CALN1: variants seen among roughly 807,000 people sequenced by gnomAD.
CALN1 encodes the protein calcium-binding protein 8.
Under a neutral mutation model 30.6 loss-of-function variants are expected in CALN1, and 17 were observed. The observed-to-expected ratio is 0.56, with a 90% CI of 0.38 to 0.83. The LOEUF is 0.83. Among genes scored for constraint, CALN1 ranks in the 40% least tolerant of loss-of-function variants. The probability of loss-of-function intolerance (pLI) is 0.00; values close to 1 mark genes in which losing one functional copy is unlikely to be tolerated. For missense variants in CALN1, 291 were observed against 354.9 expected (o/e 0.82, Z 1.45); for synonymous variants, 156 against 131.4 (o/e 1.19, Z -1.28).
At chr7:71,999,387 C>G (rs1457891101) in intron 5 of CALN1, among the ~76,000 whole-genome samples, 1 of 152,174 alleles carries the variant, frequency 6.6e-6, no homozygotes, top group Non-Finnish European at 1.5e-5. Flanking sequence ...GAAACCTGAA[C>G]AGCCACCTCT....
At chr7:71,799,461 A>C in intron 6 of CALN1, among the ~76,000 whole-genome samples, 1 of 149,384 alleles carries the variant, frequency 6.7e-6, no homozygotes, top group East Asian at 1.9e-4. Context: ...TTAGTTAGTT[A>C]GTTAGTTAGT....
intron 3 of CALN1, among the ~76,000 whole-genome samples, chr7:72,256,602 T>TGA (rs1468981490): frequency 2.9e-5 from 2 of 68,080 alleles, no homozygotes; most frequent in African/African-American, 1.9e-4. Context: ...GTTCAATCAA[T>TGA]TATTTTTTTT....
At chr7:71,942,691 G>T (rs1375466369) in intron 5 of CALN1, among the ~76,000 whole-genome samples, 1 of 152,164 alleles carries the variant, frequency 6.6e-6, no homozygotes, top group Non-Finnish European at 1.5e-5. Flanking sequence ...ATCTTTAGCA[G>T]GTGATTAGAT....
At chr7:72,383,248 G>C (rs1241280538) in intron 2 of CALN1, among the ~76,000 whole-genome samples, 3 of 152,204 alleles carry the variant, frequency 2.0e-5, no homozygotes, top group African/African-American at 2.4e-5. Context: ...CTTCCTGGCA[G>C]AACAATTTAT....
intron 5 of CALN1, among the ~76,000 whole-genome samples, chr7:71,967,218 G>A (rs554871103): frequency 1.8e-4 from 28 of 152,174 alleles, no homozygotes; most frequent in Admixed American, 2.6e-4. Context: ...AATAATGAAG[G>A]AGAGAAATAG....
chr7:71,969,948 C>T (rs546581385), intron 5 of CALN1, among the ~76,000 whole-genome samples: 7 of 152,074 alleles, frequency 4.6e-5, no homozygotes, highest in Non-Finnish European at 8.8e-5. Context: ...CCTCAGCCTT[C>T]CAAGTAGCTG....
chr7:72,077,911 C>T (rs1205394176), intron 4 of CALN1, among the ~76,000 whole-genome samples: 42 of 152,192 alleles, frequency 2.8e-4, no homozygotes, highest in Admixed American at 2.7e-3. Context: ...AACATCGAGG[C>T]TCCTCCTGCC....
chr7:72,210,268 A>C (rs377715378), intron 3 of CALN1, among the ~76,000 whole-genome samples: 5 of 152,136 alleles, frequency 3.3e-5, no homozygotes, highest in African/African-American at 4.8e-5. Flanking sequence ...ACCCCACCCT[A>C]ATCAAGCTTC....
At chr7:72,237,935 T>C (rs1396323141) in intron 3 of CALN1, among the ~76,000 whole-genome samples, 1 of 152,158 alleles carries the variant, frequency 6.6e-6, no homozygotes, top group Non-Finnish European at 1.5e-5. Flanking sequence ...TGACAGCAAA[T>C]GCATAAAGGA....
intron 5 of CALN1, among the ~76,000 whole-genome samples, chr7:72,019,815 T>A (rs957271817): frequency 6.6e-6 from 1 of 152,120 alleles, no homozygotes; most frequent in African/African-American, 2.4e-5. Context: ...AGATAGAAAA[T>A]ATTTAGTGTT....
chr7:71,852,825 T>C (rs916468825), intron 5 of CALN1, among the ~76,000 whole-genome samples: 1 of 152,206 alleles, frequency 6.6e-6, no homozygotes, highest in Non-Finnish European at 1.5e-5. Flanking sequence ...TGTACGTCTT[T>C]ATATTGATTG....
chr7:72,189,476 G>A (rs577811559), intron 3 of CALN1, among the ~76,000 whole-genome samples: 14 of 152,288 alleles, frequency 9.2e-5, no homozygotes, highest in African/African-American at 2.9e-4. Flanking sequence ...GTTACTGCAG[G>A]CTGGGCATGG....
intron 5 of CALN1, among the ~76,000 whole-genome samples, chr7:71,870,381 T>TAA (rs35582248): frequency 5.6e-5 from 8 of 142,856 alleles, no homozygotes; most frequent in South Asian, 2.2e-4. Context: ...AAACTCCATC[T>TAA]AAAAAAAAAA....
At chr7:71,902,373 T>C (rs1356853257) in intron 5 of CALN1, among the ~76,000 whole-genome samples, 1 of 152,018 alleles carries the variant, frequency 6.6e-6, no homozygotes, top group Non-Finnish European at 1.5e-5. Flanking sequence ...GATACTATCT[T>C]ACACCAGTCA....
At chr7:72,349,008 A>C (rs73362963) in intron 2 of CALN1, among the ~76,000 whole-genome samples, 5,187 of 152,268 alleles carry the variant, frequency 0.034, 278 homozygotes, top group African/African-American at 0.11. Context: ...ACAATAAAGG[A>C]AGGCATGCAA....
At chr7:72,061,870 CTAAAA>C (rs1803679974) in intron 4 of CALN1, among the ~76,000 whole-genome samples, 1 of 149,158 alleles carries the variant, frequency 6.7e-6, no homozygotes, top group South Asian at 2.1e-4. Flanking sequence ...TGGGATGAAC[CTAAAA>C]TAATACATCC....
the CALN1 span, among the ~76,000 whole-genome samples, chr7:72,457,311 T>A: frequency 6.6e-6 from 1 of 152,186 alleles, no homozygotes; most frequent in African/African-American, 2.4e-5. Context: ...GGAATAAAAA[T>A]CAAACTCCAC....
chr7:72,287,647 C>T (rs188743238), intron 2 of CALN1, among the ~76,000 whole-genome samples: 4 of 151,978 alleles, frequency 2.6e-5, no homozygotes, highest in Admixed American at 6.6e-5. Flanking sequence ...GGGGTTTCAC[C>T]GTGTTAGCCA....
intron 2 of CALN1, among the ~76,000 whole-genome samples, chr7:72,370,891 C>T (rs1804197092): frequency 6.6e-6 from 1 of 151,314 alleles, no homozygotes; most frequent in South Asian, 2.1e-4. Context: ...ACTAAAAATA[C>T]AAAAAAATTA....
Sources: allele counts gnomAD v4.1 joint callset (sites outside exome capture counted in the v4.1 genomes callset), GRCh38; gene constraint gnomAD v4.1.1; transcripts MANE v1.5; gene names NCBI Gene and HGNC (gene_info 2026-07-23, HGNC 2026-07-21).